Variants in PCDHGB6 observed in about 807,000 individuals in gnomAD.
PCDHGB6 encodes protocadherin gamma-B6.
In PCDHGB6, 51 loss-of-function variants were observed where a neutral mutation model predicts 59.1. The observed-to-expected ratio is 0.86, with a 90% confidence interval of 0.69 to 1.09. The LOEUF is 1.09. Among genes scored for constraint, PCDHGB6 ranks in the 50% least tolerant of loss-of-function variants. PCDHGB6 has a pLI of 0.00. For missense variants in PCDHGB6, 1,148 were observed against 1,205.1 expected (o/e 0.95, Z 0.70); for synonymous variants, 466 against 495.1 (o/e 0.94, Z 0.78).
At chr5:141,505,123 C>T (rs1320836386) in intron 2 of PCDHGB6, among the ~76,000 whole-genome samples, 1 of 152,192 alleles carries the variant, frequency 6.6e-6, no homozygotes, top group African/African-American at 2.4e-5. Flanking sequence ...GATCGCGCCA[C>T]TGCACTCCAG....
At chr5:141,414,846 G>A in intron 1 of PCDHGB6, 1 of 1,614,218 alleles carries the variant, frequency 6.2e-7, no homozygotes, top group African/African-American at 1.3e-5. Flanking sequence ...TGTTTGTGCT[G>A]GACCAGAACG....
chr5:141,417,647 C>G, intron 1 of PCDHGB6: 8 of 812,384 alleles, frequency 9.8e-6, no homozygotes, highest in Non-Finnish European at 1.5e-5. Flanking sequence ...ATCCCTCAGC[C>G]TCTAGCCTGG....
At chr5:141,466,376 C>A (rs1046432765) in intron 1 of PCDHGB6, among the ~76,000 whole-genome samples, 1 of 151,904 alleles carries the variant, frequency 6.6e-6, no homozygotes, top group Non-Finnish European at 1.5e-5. Flanking sequence ...GTTTTGGCAC[C>A]CATCTAATGG....
chr5:141,451,521 T>A (rs1164313767), intron 1 of PCDHGB6, among the ~76,000 whole-genome samples: 2 of 152,148 alleles, frequency 1.3e-5, no homozygotes, highest in African/African-American at 4.8e-5. Flanking sequence ...TTAGAGCAAG[T>A]AAAGGAGAGT....
chr5:141,482,000 G>A (rs1421859839), intron 1 of PCDHGB6, among the ~76,000 whole-genome samples: 8 of 150,854 alleles, frequency 5.3e-5, no homozygotes, highest in East Asian at 1.9e-4. Flanking sequence ...CAGGAGAATC[G>A]CTTTATCTCA....
In PCDHGB6 at chr5:141,489,189, C is replaced by A; in HGVS notation, c.2419-5618C>A. 1 of 1,341,534 alleles carries A rather than the reference C, an allele frequency of 7.5e-7. No homozygotes were observed. The highest frequency in any genetic ancestry group is 1.0e-6 in the Non-Finnish European group (1 of 975,280). 83.1% of individuals were successfully genotyped at this position (1,341,534 alleles called of 1,614,324 possible). A position where few individuals can be genotyped will look rare whatever the true frequency, so the allele number is the denominator to read the frequency against. On this transcript the variant is annotated intron_variant, in intron 1 of 3. Transcript: ENST00000520790. This position sits in a 1 kb window ranked among gnomAD's most constrained non-coding sequence, Gnocchi z 4.5. ...TGCTGCATTCCAAGCCCTGGGTCTA[C>A]CTTGGAGACAGGACAGCACAGACTT...
chr5:141,413,490 G>T (rs1255775347), intron 1 of PCDHGB6: 2 of 1,614,070 alleles, frequency 1.2e-6, no homozygotes, highest in Admixed American at 3.3e-5. Flanking sequence ...AGAGCGCGCG[G>T]TGCGTGGTGA....
chr5:141,425,661 C>A (rs993314865), intron 1 of PCDHGB6, among the ~76,000 whole-genome samples: 5 of 152,184 alleles, frequency 3.3e-5, no homozygotes, highest in Admixed American at 3.3e-4. Context: ...ATTATCTGCA[C>A]ATCAGATTGA....
At position 141,491,733 on chromosome 5, in the gene PCDHGB6, TGGGGGCGGCAC is replaced by T; in HGVS notation, c.2419-3073_2419-3063del. 1.9e-6 allele frequency: 3 copies of T among 1,602,698 alleles called. No individual in the cohort carries two copies. The highest frequency in any genetic ancestry group is 2.6e-6 in the Non-Finnish European group (3 of 1,175,258). On this transcript the variant is annotated intron_variant, in intron 1 of 3. Coordinates refer to ENST00000520790, the MANE Select transcript of PCDHGB6 (RefSeq NM_018926.3). The surrounding 1 kb of genome is among the most constrained non-coding windows in gnomAD (Gnocchi z 6.9). ...GCTCGGCGCCGCCCCGGGCGACCCC[TGGGGGCGGCAC>T]TGGAGAAGCCGCCCGTCCTCATAAG...
chr5:141,485,009 C>A lies in PCDHGB6; in HGVS notation c.2419-9798C>A, dbSNP rs531346426. 4 of 628,216 alleles carry A rather than the reference C, an allele frequency of 6.4e-6. No individual in the cohort carries two copies. Among genetic ancestry groups the A allele is most frequent in the African/African-American group, 3.7e-5 (2 of 54,100 alleles). 38.9% of individuals were successfully genotyped at this position (628,216 alleles called of 1,614,324 possible). On this transcript the variant is annotated intron_variant, in intron 1 of 3. Transcript: ENST00000520790. This position sits in a 1 kb window ranked among gnomAD's most constrained non-coding sequence, Gnocchi z 5.7. Reference sequence around the variant, plus strand: ...GGTGGTGAAAGGCAGACAAATCTACCCCGCCACCAGCAAAAACGGCGCGTA... The same window carrying A: ...GGTGGTGAAAGGCAGACAAATCTACACCGCCACCAGCAAAAACGGCGCGTA...
At chr5:141,426,015 T>G (rs1168777347) in intron 1 of PCDHGB6, among the ~76,000 whole-genome samples, 3 of 152,200 alleles carry the variant, frequency 2.0e-5, no homozygotes, top group African/African-American at 7.2e-5. Flanking sequence ...GGCTGCAGTT[T>G]TCTAAATAGA....
At chr5:141,412,441 G>C (rs1334085357) in intron 1 of PCDHGB6, 1 of 152,124 alleles carries the variant, frequency 6.6e-6, no homozygotes, top group African/African-American at 2.4e-5. Flanking sequence ...GTTAATTAAG[G>C]CTCAGTAAAA....
chr5:141,431,965 T>C lies in PCDHGB6; in HGVS notation c.2418+21345T>C, dbSNP rs765281339. The C allele has an allele frequency of 4.0e-5, 64 of 1,614,098 alleles. No homozygotes were observed. In the East Asian group the frequency reaches 4.9e-4, roughly 12 times the overall value. On this transcript the variant is annotated intron_variant, in intron 1 of 3. Transcript: ENST00000520790. This position sits in a 1 kb window ranked among gnomAD's most constrained non-coding sequence, Gnocchi z 4.8. Reference sequence around the variant, plus strand: ...TAGAAAAATCTTACGGAAATTACTATAGTTTAGTCACAGACATAGTCTTGG... The same window carrying C: ...TAGAAAAATCTTACGGAAATTACTACAGTTTAGTCACAGACATAGTCTTGG...
chr5:141,430,837 C>T (rs1350348914), intron 1 of PCDHGB6: 4 of 1,559,956 alleles, frequency 2.6e-6, no homozygotes, highest in South Asian at 2.5e-5. Context: ...TGTGGGAGAC[C>T]GGATGCACCC....
chr5:141,421,109 T>C (rs2096547097), intron 1 of PCDHGB6: 2 of 715,670 alleles, frequency 2.8e-6, no homozygotes, highest in East Asian at 2.8e-5. Flanking sequence ...GACTTAGAAG[T>C]ATTTTCCTTC....
chr5:141,438,659 T>C (rs1290256383), intron 1 of PCDHGB6, among the ~76,000 whole-genome samples: 1 of 141,194 alleles, frequency 7.1e-6, no homozygotes, highest in East Asian at 2.1e-4. Flanking sequence ...CACATATATG[T>C]ATATATATAT....
chr5:141,444,695 CCT>C (rs2154560766), intron 1 of PCDHGB6, among the ~76,000 whole-genome samples: 1 of 152,134 alleles, frequency 6.6e-6, no homozygotes, highest in South Asian at 2.1e-4. Flanking sequence ...AAAATATTTT[CCT>C]CTTTCTGTTG....
Position 141,508,665 on chromosome 5 carries a change from C to T in PCDHGB6, c.2567-2282C>T, listed in dbSNP as rs181641281. ...CGTCAGGCCCTTCCTGTCATTCTGT[C>T]TCTGCCTCCCTTCTCCCTGCTTCTC... On this transcript the variant is annotated intron_variant, in intron 3 of 3. Coordinates refer to ENST00000520790, the MANE Select transcript of PCDHGB6 (RefSeq NM_018926.3). Among the ~76,000 whole-genome samples the T allele has an allele frequency of 3.7e-3, 564 of 152,254 alleles. 5 individuals carry two copies. Among genetic ancestry groups the T allele is most frequent in the Admixed American group, 0.011 (164 of 15,296 alleles).
At chr5:141,496,637 C>T (rs907246032) in intron 2 of PCDHGB6, among the ~76,000 whole-genome samples, 6 of 152,214 alleles carry the variant, frequency 3.9e-5, no homozygotes, top group Non-Finnish European at 7.3e-5. Context: ...GCTTGGGCTG[C>T]CCTTGCCCTT....
Sources: gnomAD v4.1 joint callset for allele counts (sites outside exome capture counted in the v4.1 genomes callset) on GRCh38, gnomAD v4.1.1 for gene constraint, Gnocchi (gnomAD v3.1) non-coding constraint, MANE v1.5 for transcripts, NCBI Gene and HGNC (gene_info 2026-07-23, HGNC 2026-07-21) for gene names.